Variants in ADAMTS12 observed in about 807,000 individuals in gnomAD.
The protein encoded by ADAMTS12 is A disintegrin and metalloproteinase with thrombospondin motifs 12.
ADAMTS12 carries 118 observed loss-of-function variants against 167.8 expected under a neutral mutation model. The ratio of observed to expected loss-of-function variants is 0.70; its 90% confidence interval spans 0.61 to 0.82. ADAMTS12 has a LOEUF of 0.82. Ranked by LOEUF, ADAMTS12 falls within the 40% of genes least tolerant of loss-of-function variation. The pLI is 0.00. For synonymous variants in ADAMTS12, 704 were observed against 716.9 expected, an observed-to-expected ratio of 0.98 and a Z score of 0.29; for missense variants, 1,916 against 1,998.8, an observed-to-expected ratio of 0.96 and a Z score of 0.79.
At chr5:33,597,666 T>C in intron 16 of ADAMTS12, among the ~76,000 whole-genome samples, 1 of 139,922 alleles carries the variant, frequency 7.1e-6, no homozygotes, top group South Asian at 2.6e-4. Context: ...AGTAAGTAAA[T>C]CCTTTAAAAA....
At chr5:33,834,181 G>A (rs1461823789) in intron 2 of ADAMTS12, among the ~76,000 whole-genome samples, 3 of 152,144 alleles carry the variant, frequency 2.0e-5, no homozygotes, top group African/African-American at 7.2e-5. Context: ...CTGATTTTAA[G>A]TTAGTTACCC....
rs563865864 is a variant in ADAMTS12, at chr5:33,758,446, T to C, written c.490-6898A>G. Among the ~76,000 whole-genome samples the C allele has an allele frequency of 2.6e-4, 39 of 152,154 alleles. No homozygotes were observed. The South Asian group carries it at 4.6e-3, about 18-fold the overall frequency. ...AAAAGCAGGACTCCTTCAGCAGAAG[T>C]ATGAAGTGAAGTTGATGGCAGGCAG... On this transcript the variant is annotated intron_variant, in intron 2 of 23. Transcript: ENST00000504830.
chr5:33,628,038 G>A (rs1739743231), intron 13 of ADAMTS12, among the ~76,000 whole-genome samples: 1 of 152,162 alleles, frequency 6.6e-6, no homozygotes, highest in South Asian at 2.1e-4. Flanking sequence ...GGTTGATCCA[G>A]AACCTTATCC....
At chr5:33,882,005 T>C (rs1281330940) in intron 1 of ADAMTS12, among the ~76,000 whole-genome samples, 1 of 152,128 alleles carries the variant, frequency 6.6e-6, no homozygotes, top group East Asian at 1.9e-4. Context: ...AGTGACATGA[T>C]ATCAGGTGTT....
At chr5:33,880,074 G>A (rs936635474) in intron 2 of ADAMTS12, among the ~76,000 whole-genome samples, 2 of 152,210 alleles carry the variant, frequency 1.3e-5, no homozygotes, top group Admixed American at 1.3e-4. Context: ...CAGAATTCCT[G>A]AGCATTGTTT....
intron 2 of ADAMTS12, among the ~76,000 whole-genome samples, chr5:33,827,034 C>G (rs1276587560): frequency 2.0e-5 from 3 of 151,492 alleles, no homozygotes; most frequent in South Asian, 4.2e-4. Flanking sequence ...GCTCTCAGTT[C>G]ATCCACAAAA....
At chr5:33,562,363 G>T (rs1049612599) in intron 19 of ADAMTS12, among the ~76,000 whole-genome samples, 1 of 152,062 alleles carries the variant, frequency 6.6e-6, no homozygotes, top group African/African-American at 2.4e-5. Flanking sequence ...TTAGCGGGGG[G>T]TCACTTTGAA....
intron 3 of ADAMTS12, among the ~76,000 whole-genome samples, chr5:33,738,045 C>T (rs1744430619): frequency 6.6e-6 from 1 of 152,188 alleles, no homozygotes; most frequent in African/African-American, 2.4e-5. Context: ...TCAGGCTACC[C>T]TGGGCACAGA....
At chr5:33,593,040 G>A (rs1050627206) in intron 17 of ADAMTS12, among the ~76,000 whole-genome samples, 1 of 152,186 alleles carries the variant, frequency 6.6e-6, no homozygotes, top group African/African-American at 2.4e-5. Context: ...ACTTGGGGAG[G>A]CTAAGGCGGG....
chr5:33,539,854 G>A (rs547534481), intron 22 of ADAMTS12, among the ~76,000 whole-genome samples: 27 of 130,744 alleles, frequency 2.1e-4, no homozygotes, highest in Non-Finnish European at 4.4e-4. Flanking sequence ...AATAGGAAGA[G>A]CTCTGGTCTG....
chr5:33,782,534 G>A (rs1746170924), intron 2 of ADAMTS12, among the ~76,000 whole-genome samples: 1 of 151,970 alleles, frequency 6.6e-6, no homozygotes, highest in Non-Finnish European at 1.5e-5. Context: ...ACCAAAATCT[G>A]TCTACAAGAA....
At chr5:33,528,518 A>G (rs1387073110) in intron 23 of ADAMTS12, among the ~76,000 whole-genome samples, 2 of 152,254 alleles carry the variant, frequency 1.3e-5, no homozygotes, top group African/African-American at 2.4e-5. Context: ...AGTTGAATGC[A>G]GTGTCTTCCA....
chr5:33,712,174 C>T (rs12522913), intron 3 of ADAMTS12, among the ~76,000 whole-genome samples: 92,891 of 151,882 alleles, frequency 0.61, 29,546 homozygotes, highest in Non-Finnish European at 0.69. Context: ...GCAGGCACAC[C>T]GTAAATACTT....
intron 16 of ADAMTS12, among the ~76,000 whole-genome samples, chr5:33,606,123 T>A (rs552116370): frequency 1.3e-3 from 205 of 152,300 alleles, no homozygotes; most frequent in Non-Finnish European, 2.6e-3. Context: ...AATTTTTGTA[T>A]TTTTTGTAGA....
At chr5:33,650,872 T>C (rs1258978086) in intron 7 of ADAMTS12, among the ~76,000 whole-genome samples, 1 of 152,210 alleles carries the variant, frequency 6.6e-6, no homozygotes, top group Non-Finnish European at 1.5e-5. Context: ...TATGACCTTT[T>C]ACTCTTTGTA....
chr5:33,582,573 G>A (rs1293437028), intron 18 of ADAMTS12, among the ~76,000 whole-genome samples: 5 of 152,158 alleles, frequency 3.3e-5, no homozygotes, highest in Non-Finnish European at 7.4e-5. Context: ...ATCGGCATTC[G>A]GTCTATTTGG....
chr5:33,842,729 T>C (rs1261413034), intron 2 of ADAMTS12, among the ~76,000 whole-genome samples: 1 of 152,170 alleles, frequency 6.6e-6, no homozygotes, highest in African/African-American at 2.4e-5. Flanking sequence ...AGAGACCCTG[T>C]AGGTGACCCA....
chr5:33,815,890 T>A (rs533170790), intron 2 of ADAMTS12, among the ~76,000 whole-genome samples: 1 of 152,220 alleles, frequency 6.6e-6, no homozygotes, highest in Non-Finnish European at 1.5e-5. Context: ...TGGACCAGCA[T>A]CCATCAGTTC....
chr5:33,528,153 C>G (rs1194816028), intron 23 of ADAMTS12, among the ~76,000 whole-genome samples: 3 of 150,794 alleles, frequency 2.0e-5, no homozygotes, highest in African/African-American at 7.3e-5. Flanking sequence ...GGCCATTATT[C>G]TAAGTGAAGT....
Sources: gnomAD v4.1 joint callset for allele counts (sites outside exome capture counted in the v4.1 genomes callset) on GRCh38, gnomAD v4.1.1 for gene constraint, MANE v1.5 for transcripts, NCBI Gene and HGNC (gene_info 2026-07-23, HGNC 2026-07-21) for gene names.